Variants in NPC1 observed in about 807,000 individuals in gnomAD.
NPC1 encodes Niemann-Pick C1 protein.
In NPC1, 85 loss-of-function variants were observed where a neutral mutation model predicts 140.4. The ratio of observed to expected loss-of-function variants is 0.61; its 90% CI spans 0.51 to 0.72. NPC1 has a LOEUF of 0.72. Among genes scored for constraint, NPC1 ranks in the 30% least tolerant of loss-of-function variants. The pLI, the probability that NPC1 is intolerant of heterozygous loss-of-function variation, is 0.00. For synonymous variants in NPC1, 656 were observed against 624.8 expected (o/e 1.05, Z -0.74); for missense variants, 1,504 against 1,623.8 (o/e 0.93, Z 1.27).
chr18:23,577,995 T>C (rs1331547347), intron 1 of NPC1, among the ~76,000 whole-genome samples: 2 of 152,154 alleles, frequency 1.3e-5, no homozygotes, highest in Non-Finnish European at 2.9e-5. Flanking sequence ...ACAGCCCCGG[T>C]TCCTGCTCGT....
intron 4 of NPC1, among the ~76,000 whole-genome samples, chr18:23,565,364 TTTC>T (rs1247987414): frequency 2.6e-5 from 4 of 152,324 alleles, no homozygotes; most frequent in African/African-American, 4.8e-5. Context: ...TTTTTCTGTT[TTTC>T]TTTTTTTGAG....
At chr18:23,540,070 A>G in intron 17 of NPC1, 69 bp from the exon 18 acceptor site, 3 of 1,408,598 alleles carry the variant, frequency 2.1e-6, no homozygotes, top group Non-Finnish European at 2.0e-6. Flanking sequence ...GGCGAGGATC[A>G]TGGAGAATAA....
chr18:23,537,442 A>C (rs922400391), intron 20 of NPC1, among the ~76,000 whole-genome samples: 1 of 152,144 alleles, frequency 6.6e-6, no homozygotes, highest in Non-Finnish European at 1.5e-5. Context: ...ACCTGGTTTC[A>C]TGTATAATCA....
intron 5 of NPC1, 23 bp from the exon 6 acceptor site, chr18:23,560,503 G>A: frequency 6.2e-7 from 1 of 1,613,076 alleles, no homozygotes; most frequent in Non-Finnish European, 8.5e-7. Flanking sequence ...ATTGTGTTGA[G>A]TACAAATCTC....
At chr18:23,530,433 A>G, downstream of NPC1, 3 of 1,614,236 alleles carry the variant, frequency 1.9e-6, no homozygotes, top group Non-Finnish European at 2.5e-6. Flanking sequence ...CTCCTTTCCA[A>G]ACACCAAGTG....
intron 22 of NPC1, 116 bp from the exon 23 acceptor site, chr18:23,534,675 C>T (rs1412894205): frequency 2.5e-6 from 2 of 786,444 alleles, no homozygotes; most frequent in Non-Finnish European, 4.3e-6. Flanking sequence ...TAGAGGAGGC[C>T]AAGCATCCCA....
chr18:23,571,187 A>G (rs1321586609), intron 3 of NPC1, among the ~76,000 whole-genome samples: 3 of 151,742 alleles, frequency 2.0e-5, no homozygotes, highest in Non-Finnish European at 4.4e-5. Flanking sequence ...TTTATTTCTG[A>G]CAAATTGTAA....
rs61493442 is a variant in NPC1 at position 23,532,695 on chromosome 18, C to CTTTTT, written c.3755-416_3755-412dup. Reference sequence around the variant, plus strand: ...TCTCAGCCTTCCAAAGTGCTCATCTCTTTTTTTTTTTTTTTTTCTTAAAAG... The same window carrying CTTTTT: ...TCTCAGCCTTCCAAAGTGCTCATCTCTTTTTTTTTTTTTTTTTTTTTTCTTAAAAG... On this transcript the variant is annotated intron_variant, in intron 24 of 24. Coordinates refer to ENST00000269228, the MANE Select transcript of NPC1 (RefSeq NM_000271.5). Among the ~76,000 whole-genome samples the CTTTTT allele has an allele frequency of 1.2e-4, 16 of 136,808 alleles. 1 individual carries two copies. The highest frequency in any genetic ancestry group is 4.3e-4 in the East Asian group (2 of 4,698). 89.8% of individuals were successfully genotyped at this position (136,808 alleles called of 152,430 possible). A position where few individuals can be genotyped will look rare whatever the true frequency, so the allele number is the denominator to read the frequency against.
chr18:23,565,307 T>G (rs967430950), intron 4 of NPC1, among the ~76,000 whole-genome samples: 1 of 152,202 alleles, frequency 6.6e-6, no homozygotes, highest in African/African-American at 2.4e-5. Flanking sequence ...GTCTTTCCAT[T>G]TATTTAGATC....
intron 1 of NPC1, among the ~76,000 whole-genome samples, chr18:23,578,404 T>C (rs143933982): frequency 6.6e-6 from 1 of 152,160 alleles, no homozygotes; most frequent in African/African-American, 2.4e-5. Context: ...CCCTGTAGCA[T>C]CACACCCTCC....
chr18:23,568,032 T>C (rs1038294678), intron 4 of NPC1, among the ~76,000 whole-genome samples: 1 of 151,838 alleles, frequency 6.6e-6, no homozygotes, highest in African/African-American at 2.4e-5. Context: ...TCTAAAACTT[T>C]CCAATTGGGA....
At chr18:23,514,282 G>A (rs1472078433) in intron 3 of NPC1, among the ~76,000 whole-genome samples, 2 of 152,194 alleles carry the variant, frequency 1.3e-5, no homozygotes, top group African/African-American at 4.8e-5. Context: ...TTGGGAGGCC[G>A]AGGTGGGCGA....
chr18:23,543,652 G>C, intron 13 of NPC1, 83 bp from the exon 14 acceptor site: 2 of 811,534 alleles, frequency 2.5e-6, no homozygotes, highest in East Asian at 2.6e-5. Context: ...GTTAACTCAA[G>C]GGTAAAAATA....
intron 20 of NPC1, 123 bp downstream of exon 20, chr18:23,538,419 C>T: frequency 1.6e-6 from 2 of 1,219,762 alleles, no homozygotes; most frequent in East Asian, 4.7e-5. Flanking sequence ...ACCAAAGGAC[C>T]AGGACAGGGT....
chr18:23,540,994 G>T, intron 16 of NPC1, 74 bp downstream of exon 16: 1 of 1,523,652 alleles, frequency 6.6e-7, no homozygotes, highest in Non-Finnish European at 9.1e-7. Flanking sequence ...TTCCCAGGCT[G>T]TCTGGCTTCT....
At chr18:23,525,404 C>T (rs575051855), downstream of NPC1, among the ~76,000 whole-genome samples, 39 of 152,118 alleles carry the variant, frequency 2.6e-4, no homozygotes, top group African/African-American at 8.2e-4. Flanking sequence ...CACATCACCA[C>T]GCCCAGTTAA....
chr18:23,574,669 C>T (rs181805992), intron 1 of NPC1, among the ~76,000 whole-genome samples: 10 of 152,282 alleles, frequency 6.6e-5, no homozygotes, highest in African/African-American at 2.2e-4. Context: ...TATCACTTTT[C>T]TCTGAATTCA....
At chr18:23,526,452 C>T (rs748791260), downstream of NPC1, among the ~76,000 whole-genome samples, 3 of 152,136 alleles carry the variant, frequency 2.0e-5, no homozygotes, top group African/African-American at 2.4e-5. Flanking sequence ...GTGGTAGACA[C>T]GCTCCTGAAT....
At position 23,544,328 on chromosome 18, in the gene NPC1, G is replaced by C. The variant is rs759305732; in HGVS notation, c.2130+16C>G. 3.0e-5 allele frequency: 48 copies of C among 1,613,098 alleles called. No homozygotes were observed. The highest frequency in any genetic ancestry group is 3.8e-5 in the Non-Finnish European group (45 of 1,179,222). On this transcript the variant is annotated intron_variant, in intron 13 of 24. Coordinates refer to ENST00000269228, the MANE Select transcript of NPC1 (RefSeq NM_000271.5). Reference sequence around the variant, plus strand: ...CTTGAACAGATGCTGAGCCCTGTGAGAATATGGAAGTATACCTGGTAGGCC... The same window carrying C: ...CTTGAACAGATGCTGAGCCCTGTGACAATATGGAAGTATACCTGGTAGGCC...
Sources: allele counts gnomAD v4.1 joint callset (sites outside exome capture counted in the v4.1 genomes callset), GRCh38; gene constraint gnomAD v4.1.1; transcripts MANE v1.5; gene names NCBI Gene and HGNC (gene_info 2026-07-23, HGNC 2026-07-21).